The following ABI1 variants were observed in gnomAD, a reference collection of about 807,000 sequenced individuals.
The protein encoded by ABI1 is abl interactor 1, also known as Abelson interactor 1.
In ABI1, 14 loss-of-function variants were observed where a neutral mutation model predicts 54.6. That is an observed-to-expected ratio of 0.26 (90% CI 0.17 to 0.40). ABI1 has a LOEUF of 0.40. ABI1 is among the 10% of genes least tolerant of loss of function. The pLI is 1.00. For missense variants in ABI1, 443 were observed against 598.3 expected, an observed-to-expected ratio of 0.74 and a Z score of 2.71; for synonymous variants, 194 against 209.3, an observed-to-expected ratio of 0.93 and a Z score of 0.63.
At chr10:26,857,033 C>T (rs1331276731) in intron 1 of ABI1, among the ~76,000 whole-genome samples, 2 of 152,152 alleles carry the variant, frequency 1.3e-5, no homozygotes, top group East Asian at 3.9e-4. Context: ...TATAAAAACA[C>T]TTTCAGCCAG....
At chr10:26,818,631 C>CAAAAAAAAAAAAAAAAAA (rs376157276) in intron 2 of ABI1, among the ~76,000 whole-genome samples, 17 of 73,086 alleles carry the variant, frequency 2.3e-4, no homozygotes, top group African/African-American at 9.4e-4. Flanking sequence ...GACCCCGTCA[C>CAAAAAAAAAAAAAAAAAA]AAAAAAAAAA....
chr10:26,753,981 G>A lies in ABI1; in HGVS notation c.1084+1674C>T, dbSNP rs188847039. Among the ~76,000 whole-genome samples the A allele has an allele frequency of 1.1e-4, 16 of 152,256 alleles. No homozygotes were observed. In the East Asian group the frequency reaches 3.1e-3, roughly 29 times the overall value. ...TCAGTCACTTTGGACCCACAAAACT[G>A]ATGTTCATTATGGCTATTTTAAATT... On this transcript the variant is annotated intron_variant, in intron 9 of 10. Transcript: ENST00000376140.
intron 1 of ABI1, among the ~76,000 whole-genome samples, chr10:26,846,251 C>T (rs2049968123): frequency 6.6e-6 from 1 of 152,140 alleles, no homozygotes; most frequent in Non-Finnish European, 1.5e-5. Flanking sequence ...GTCAATCCTC[C>T]TTCCAATCTG....
At chr10:26,776,836 G>T in intron 3 of ABI1, 1 of 382,356 alleles carries the variant, frequency 2.6e-6, no homozygotes, top group South Asian at 8.1e-5. Flanking sequence ...ATTTGTCTAG[G>T]ATTTATGGCT....
chr10:26,774,546 T>A (rs543223688), intron 3 of ABI1, among the ~76,000 whole-genome samples: 1 of 152,182 alleles, frequency 6.6e-6, no homozygotes, highest in Non-Finnish European at 1.5e-5. Flanking sequence ...CTTATACATA[T>A]CTTATTATTA....
chr10:26,772,076 T>C (rs1424428154), intron 3 of ABI1, among the ~76,000 whole-genome samples: 2 of 151,870 alleles, frequency 1.3e-5, no homozygotes, highest in African/African-American at 2.4e-5. Flanking sequence ...AAGGAAATCA[T>C]CCAAAGGAGA....
chr10:26,755,726 G>A lies in ABI1; in HGVS notation c.1013C>T (p.Pro338Leu). ...AGTCAACTGAGGCATAGGGGGAGGG[G>A]GTGGAGCAATAGAAACTGGTAGCAA... The part of the protein sequence containing the change: ...YSQNSISIAP[P>L]PPPMPQLTPQ... The change falls in exon 9 of 11, where the codon CCC becomes CTC. Residue 338 changes from proline to leucine, a missense_variant. Transcript: ENST00000376140. 11 of 1,612,786 alleles carry A rather than the reference G, an allele frequency of 6.8e-6. No homozygotes were observed. The highest frequency in any genetic ancestry group is 2.2e-5 in the East Asian group (1 of 44,868).
At chr10:26,830,576 C>T (rs1191943334) in intron 1 of ABI1, among the ~76,000 whole-genome samples, 3 of 149,572 alleles carry the variant, frequency 2.0e-5, no homozygotes, top group Non-Finnish European at 4.4e-5. Context: ...GCTGTGATTG[C>T]ACCACTACAC....
chr10:26,775,199 A>G (rs1320093161), intron 3 of ABI1, among the ~76,000 whole-genome samples: 2 of 152,172 alleles, frequency 1.3e-5, no homozygotes, highest in Non-Finnish European at 2.9e-5. Flanking sequence ...TCCTTTAGAG[A>G]GAACACAAAA....
chr10:26,839,070 T>C (rs1023935706), intron 1 of ABI1, among the ~76,000 whole-genome samples: 1 of 152,232 alleles, frequency 6.6e-6, no homozygotes, highest in East Asian at 1.9e-4. Context: ...CTGAGCATGT[T>C]TTTGATCTAT....
rs58739177 is a variant in ABI1, at chr10:26,773,215, C to CTTTTTTTTTTTTTTT, written c.463-2127_463-2126insAAAAAAAAAAAAAAA. Among the ~76,000 whole-genome samples, 22 of 92,486 alleles carry CTTTTTTTTTTTTTTT rather than the reference C, an allele frequency of 2.4e-4. 2 individuals carry two copies. The highest frequency in any genetic ancestry group is 9.1e-4 in the East Asian group (2 of 2,200). 60.7% of individuals were successfully genotyped at this position (92,486 alleles called of 152,430 possible). ...AGGCACTAAATGTCTAATGCTAATT[C>CTTTTTTTTTTTTTTT]TTTTTTTTTTTTTGCTGGCTCTGTT... On this transcript the variant is annotated intron_variant, in intron 3 of 10. Coordinates refer to ENST00000376140, the MANE Select transcript of ABI1 (RefSeq NM_001012750.3).
intron 6 of ABI1, among the ~76,000 whole-genome samples, chr10:26,766,520 A>G (rs1412801488): frequency 2.0e-5 from 3 of 152,342 alleles, no homozygotes; most frequent in Non-Finnish European, 4.4e-5. Flanking sequence ...TGATCATTCT[A>G]TAATTAGATT....
intron 2 of ABI1, among the ~76,000 whole-genome samples, chr10:26,781,566 G>A (rs1305686162): frequency 1.3e-5 from 2 of 152,206 alleles, no homozygotes. Flanking sequence ...GGGTGTGGTT[G>A]CTTTGTTCCA....
chr10:26,826,381 G>A (rs895069199), intron 1 of ABI1, among the ~76,000 whole-genome samples: 4 of 152,316 alleles, frequency 2.6e-5, no homozygotes, highest in Admixed American at 6.5e-5. Flanking sequence ...AAACCATGCT[G>A]TAAACAGATA....
chr10:26,759,357 A>C (rs1838793394), intron 7 of ABI1, 119 bp from the exon 8 acceptor site: 6 of 714,998 alleles, frequency 8.4e-6, no homozygotes, highest in Non-Finnish European at 1.0e-5. Context: ...TTTCAAGACC[A>C]AGGCACAAAA....
At chr10:26,801,435 T>C (rs1265280668) in intron 2 of ABI1, among the ~76,000 whole-genome samples, 1 of 151,844 alleles carries the variant, frequency 6.6e-6, no homozygotes, top group Non-Finnish European at 1.5e-5. Flanking sequence ...CAGTCCCAAC[T>C]ACTTAGGAGG....
intron 2 of ABI1, among the ~76,000 whole-genome samples, chr10:26,783,466 A>C (rs922900782): frequency 6.6e-6 from 1 of 152,168 alleles, no homozygotes; most frequent in African/African-American, 2.4e-5. Context: ...CCACAATTTT[A>C]AAAAAAATTT....
chr10:26,807,875 T>G (rs2046974569), intron 2 of ABI1, among the ~76,000 whole-genome samples: 1 of 152,172 alleles, frequency 6.6e-6, no homozygotes, highest in South Asian at 2.1e-4. Context: ...ATGGATCACT[T>G]GAGGTCAGGA....
At chr10:26,827,868 C>T (rs763420111) in intron 1 of ABI1, among the ~76,000 whole-genome samples, 1 of 152,222 alleles carries the variant, frequency 6.6e-6, no homozygotes, top group South Asian at 2.1e-4. Flanking sequence ...GCTGGGATTA[C>T]AGGCGTGAGC....
Sources: gnomAD v4.1 joint callset for allele counts (sites outside exome capture counted in the v4.1 genomes callset) on GRCh38, gnomAD v4.1.1 for gene constraint, MANE v1.5 for transcripts, NCBI Gene and HGNC (gene_info 2026-07-23, HGNC 2026-07-21) for gene names.